The following ZFP57 variants were observed in gnomAD, a reference collection of about 807,000 sequenced individuals.
ZFP57 encodes zinc finger protein 57 homolog.
Under a neutral mutation model 15.8 loss-of-function variants are expected in ZFP57, and 12 were observed. The observed-to-expected ratio is 0.76, with a 90% CI of 0.49 to 1.23. ZFP57 has a LOEUF of 1.23. Among genes scored for constraint, ZFP57 ranks in the 50% most tolerant of loss-of-function variants. The probability of loss-of-function intolerance (pLI) is 0.00; values close to 1 mark genes in which losing one functional copy is unlikely to be tolerated. For missense variants in ZFP57, 536 were observed against 654.9 expected, an observed-to-expected ratio of 0.82 and a Z score of 1.98; for synonymous variants, 203 against 242.3, an observed-to-expected ratio of 0.84 and a Z score of 1.51.
intron 2 of ZFP57, 41 bp from the exon 3 acceptor site, chr6:29,676,100 A>T (rs2535240): frequency 3.8e-6 from 5 of 1,318,964 alleles, no homozygotes; most frequent in Non-Finnish European, 5.3e-6. Context: ...ATATAAATAT[A>T]TATGTGTGTG....
At chr6:29,679,390 G>A (rs993238894) in intron 1 of ZFP57, among the ~76,000 whole-genome samples, 7 of 152,188 alleles carry the variant, frequency 4.6e-5, no homozygotes, top group Non-Finnish European at 1.0e-4. Context: ...AAACGCCCTC[G>A]AGGAATAGAG....
chr6:29,675,173 A>AAG (rs9278233), intron 4 of ZFP57, among the ~76,000 whole-genome samples: 2,304 of 104,450 alleles, frequency 0.022, 138 homozygotes, highest in Middle Eastern at 0.027. Flanking sequence ...AAAAAAAAAA[A>AAG]AGAGAGAGAG....
Position 29,673,260 on chromosome 6 carries a change from T to C in ZFP57, c.851A>G (p.Gln284Arg). Residue 284 changes from glutamine (Q) to arginine (R), a missense_variant, in exon 5 of 5, where the codon CAG becomes CGG. Gln to Arg is a conservative substitution (Grantham distance 43). Transcript: ENST00000376883. The surrounding 1 kb of genome is among the most constrained non-coding windows in gnomAD (Gnocchi z 4.7). Reference sequence around the variant, plus strand: ...CTCCTGGTTTCCATCCACTGGCTCCTGGTTTTGGTGTATCTTCTGGTGGCG... The same window carrying C: ...CTCCTGGTTTCCATCCACTGGCTCCCGGTTTTGGTGTATCTTCTGGTGGCG... ...LKRHQKIHQN[Q>R]EPVDGNQECT... 6.2e-7 allele frequency: 1 copy of C among 1,613,080 alleles called. No homozygotes were observed. The highest frequency in any genetic ancestry group is 8.5e-7 in the Non-Finnish European group (1 of 1,180,038).
Position 29,676,963 on chromosome 6 carries a change from G to A in ZFP57, c.41C>T (p.Thr14Met), listed in dbSNP as rs765871300. ...AGCTACCTCGCCCACCCATGGGAGC[G>A]TCTTCTGTACAGGTTCGATTGGCTT... The part of the protein sequence containing the change: ...QLKPIEPVQK[T>M]LPWVGEVAAT... The change falls in exon 2 of 5, where the codon ACG becomes ATG. Residue 14 changes from threonine to methionine, a missense_variant. Transcript: ENST00000376883. The A allele has an allele frequency of 1.1e-5, 17 of 1,614,046 alleles. No individual in the cohort carries two copies. Among genetic ancestry groups the A allele is most frequent in the Non-Finnish European group, 1.3e-5 (15 of 1,180,046 alleles).
At chr6:29,679,914 A>T (rs936699191) in intron 1 of ZFP57, among the ~76,000 whole-genome samples, 4 of 88,104 alleles carry the variant, frequency 4.5e-5, no homozygotes, top group African/African-American at 1.6e-4. Context: ...AACAAACAAA[A>T]AAAAACGCCT....
At position 29,676,922 on chromosome 6, in the gene ZFP57, C is replaced by T; in HGVS notation, c.82G>A (p.Ala28Thr). 6.2e-7 allele frequency: 1 copy of T among 1,614,228 alleles called. No individual in the cohort carries two copies. The highest frequency in any genetic ancestry group is 8.5e-7 in the Non-Finnish European group (1 of 1,180,042). Residue 28 changes from alanine to threonine, a missense_variant, in exon 2 of 5, where the codon GCC (alanine) becomes ACC (threonine). Physicochemically the swap from Ala to Thr is moderately conservative, Grantham distance 58. Coordinates refer to ENST00000376883, the MANE Select transcript of ZFP57 (RefSeq NM_001109809.5). ...TCCCTCCAGCAATCTCTCTTCATGG[C>T]TTCCTGCAGGGTGGCAGCTACCTCG... The part of the protein sequence containing the change: ...VGEVAATLQE[A>T]MKRDCWREAR...
intron 4 of ZFP57, among the ~76,000 whole-genome samples, chr6:29,675,030 G>T (rs1771994998): frequency 6.6e-6 from 1 of 151,940 alleles, no homozygotes; most frequent in African/African-American, 2.4e-5. Flanking sequence ...GCACATGCCT[G>T]TAGTCCCAGC....
chr6:29,672,475 G>T, downstream of ZFP57: 1 of 1,612,760 alleles, frequency 6.2e-7, no homozygotes, highest in Non-Finnish European at 8.5e-7. Flanking sequence ...TAAACACAAA[G>T]AAAGAGCTCA....
chr6:29,675,967 A>G lies in ZFP57; in HGVS notation c.216T>C (p.Val72=). 1 of 1,613,396 alleles carries G rather than the reference A, an allele frequency of 6.2e-7. No individual in the cohort carries two copies. Among genetic ancestry groups the G allele is most frequent in the South Asian group, 1.1e-5 (1 of 91,084 alleles). ...TTAGATTCTTAAAGGTTTCCGACAT[A>G]ACATCCTGGTAAAGGACCCTCTGGC... ...DASQRVLYQD[V]MSETFKNLTS... The change falls in exon 3 of 5, where the codon GTT becomes GTC. Residue 72 remains valine, a synonymous_variant. Coordinates refer to ENST00000376883, the MANE Select transcript of ZFP57 (RefSeq NM_001109809.5).
Position 29,672,999 on chromosome 6 carries a change from G to C in ZFP57, c.1112C>G (p.Ser371Cys), listed in dbSNP as rs559348023. The change falls in exon 5 of 5, where the codon TCC (serine) becomes TGC (cysteine). Residue 371 changes from serine (S) to cysteine (C), a missense_variant. By Grantham distance (112) the Ser-to-Cys change is moderately radical (BLOSUM62 -1). Transcript: ENST00000376883. ...TGAGGGCTTCACTGGATGAGAGTTG[G>C]ATCTGGCATCCTGACAGAGGGTTCC... Reference protein sequence around the residue: ...ITGTLCQDARSNSHPVKPSRL... With the variant: ...ITGTLCQDARCNSHPVKPSRL... The C allele has an allele frequency of 8.1e-6, 13 of 1,612,944 alleles. No individual in the cohort carries two copies. In the South Asian group the frequency reaches 1.3e-4, roughly 16 times the overall value.
At position 29,675,992 on chromosome 6, in the gene ZFP57, C is replaced by A. The variant is rs1325682251; in HGVS notation, c.191G>T (p.Ser64Ile). Residue 64 changes from serine to isoleucine, a missense_variant, in exon 3 of 5, where the codon AGC becomes ATC. Physicochemically the swap from Ser to Ile is moderately radical, Grantham distance 142. Coordinates refer to ENST00000376883, the MANE Select transcript of ZFP57 (RefSeq NM_001109809.5). ...AACATCCTGGTAAAGGACCCTCTGG[C>A]TGGCATCTAGACAGTCCCACTCTTC... The part of the protein sequence containing the change: ...TQEEWDCLDA[S>I]QRVLYQDVMS... 1.9e-6 allele frequency: 3 copies of A among 1,613,524 alleles called. No homozygotes were observed. In the South Asian group the frequency reaches 3.3e-5, roughly 18 times the overall value.
chr6:29,675,570 G>T, intron 3 of ZFP57, 83 bp from the exon 4 acceptor site: 1 of 1,125,150 alleles, frequency 8.9e-7, no homozygotes, highest in Non-Finnish European at 1.4e-6. Context: ...GCTACCTCCT[G>T]TAGCCTTTGT....
At chr6:29,680,274 G>A (rs1250046659) in intron 1 of ZFP57, among the ~76,000 whole-genome samples, 6 of 152,206 alleles carry the variant, frequency 3.9e-5, no homozygotes, top group Non-Finnish European at 5.9e-5. Context: ...CTGAGGGAAT[G>A]TGTCGTCGCC....
Position 29,673,439 on chromosome 6 carries a change from C to T in ZFP57, c.672G>A (p.Met224Ile), listed in dbSNP as rs1378857611. Residue 224 changes from methionine to isoleucine, a missense_variant, in exon 5 of 5, where the codon ATG becomes ATA. Met to Ile is a conservative substitution (Grantham distance 10). Coordinates refer to ENST00000376883, the MANE Select transcript of ZFP57 (RefSeq NM_001109809.5). The surrounding 1 kb of genome is among the most constrained non-coding windows in gnomAD (Gnocchi z 4.7). Reference protein sequence around the residue: ...SPKSLSYHRRMHLGERPFCCT... With the variant: ...SPKSLSYHRRIHLGERPFCCT... ...AACAGAAGGGCCTCTCCCCAAGATG[C>T]ATGCGTCTGTGATAGCTGAGGGACT... 15 of 1,612,986 alleles carry T rather than the reference C, an allele frequency of 9.3e-6. No individual in the cohort carries two copies. The highest frequency in any genetic ancestry group is 5.3e-5 in the African/African-American group (4 of 74,934).
At chr6:29,680,744 G>A (rs1464014302) in intron 1 of ZFP57, among the ~76,000 whole-genome samples, 1 of 152,222 alleles carries the variant, frequency 6.6e-6, no homozygotes, top group African/African-American at 2.4e-5. Context: ...TATGTGCTCA[G>A]AAACGGTCCC....
Position 29,676,013 on chromosome 6 carries a change from T to A in ZFP57, c.170A>T (p.Glu57Val). ...EDVAVNFTQE[E>V]WDCLDASQRV... ...CTGGCTGGCATCTAGACAGTCCCAC[T>A]CTTCCTGGGTGAAATTCACTGCCAC... Residue 57 changes from glutamate to valine, a missense_variant, in exon 3 of 5, where the codon GAG (glutamate) becomes GTG (valine). By Grantham distance (121) the Glu-to-Val change is moderately radical (BLOSUM62 -2). Transcript: ENST00000376883. 6.2e-7 allele frequency: 1 copy of A among 1,613,516 alleles called. No individual in the cohort carries two copies. Among genetic ancestry groups the A allele is most frequent in the Non-Finnish European group, 8.5e-7 (1 of 1,180,006 alleles).
At chr6:29,679,963 C>G (rs891691287) in intron 1 of ZFP57, among the ~76,000 whole-genome samples, 1 of 152,086 alleles carries the variant, frequency 6.6e-6, no homozygotes, top group Non-Finnish European at 1.5e-5. Context: ...TTCCAGTTCT[C>G]TGGCAGAGAA....
At position 29,676,098 on chromosome 6, in the gene ZFP57, A is replaced by ATGTGTGTGTGTGTGTGTGTGTGTGTG. The variant is rs772885845; in HGVS notation, c.124-40_124-39insCACACACACACACACACACACACACA. 5.5e-4 allele frequency: 720 copies of ATGTGTGTGTGTGTGTGTGTGTGTGTG among 1,300,136 alleles called. 6 individuals carry two copies. The African/African-American group carries it at 7.1e-3, about 13-fold the overall frequency. The allele number at this position is 1,300,136 out of a possible 1,614,324, so 80.5% of individuals were successfully genotyped here. ...AGAGACTCAAGAAGTTTATATAAATATATATGTGTGTGTGTGTGTGTGTGT... is the reference window on the plus strand; with the variant it reads ...AGAGACTCAAGAAGTTTATATAAATATGTGTGTGTGTGTGTGTGTGTGTGTGTATATGTGTGTGTGTGTGTGTGTGT... On this transcript the variant is annotated intron_variant, in intron 2 of 4. Transcript: ENST00000376883.
At position 29,675,962 on chromosome 6, in the gene ZFP57, G is replaced by A. The variant is rs186800938; in HGVS notation, c.221C>T (p.Ser74Leu). ...SQRVLYQDVMSETFKNLTSVA... is the reference protein window; with the variant it reads ...SQRVLYQDVMLETFKNLTSVA... ...AGATGTTAGATTCTTAAAGGTTTCCGACATAACATCCTGGTAAAGGACCCT... is the reference window on the plus strand; with the variant it reads ...AGATGTTAGATTCTTAAAGGTTTCCAACATAACATCCTGGTAAAGGACCCT... The change falls in exon 3 of 5, where the codon TCG becomes TTG. Residue 74 changes from serine (S) to leucine (L), a missense_variant. Physicochemically the swap from Ser to Leu is moderately radical, Grantham distance 145 (BLOSUM62 -2). Transcript: ENST00000376883. 17 of 1,613,176 alleles carry A rather than the reference G, an allele frequency of 1.1e-5. No homozygotes were observed. The highest frequency in any genetic ancestry group is 5.5e-5 in the South Asian group (5 of 91,082).
Sources: allele counts gnomAD v4.1 joint callset (sites outside exome capture counted in the v4.1 genomes callset), GRCh38; gene constraint gnomAD v4.1.1; non-coding constraint Gnocchi (gnomAD v3.1); transcripts MANE v1.5; gene names NCBI Gene and HGNC (gene_info 2026-07-23, HGNC 2026-07-21).